The following WNT10A variants were observed in gnomAD, a reference collection of about 807,000 sequenced individuals.
WNT10A encodes the protein Wnt family member 10A.
A neutral mutation model predicts 36.1 loss-of-function variants in WNT10A; 37 were observed. The ratio of observed to expected loss-of-function variants is 1.02; its 90% CI spans 0.79 to 1.35. The LOEUF is 1.35. WNT10A is among the 40% of genes most tolerant of loss of function. The probability of loss-of-function intolerance (pLI) is 0.00; values close to 1 mark genes in which losing one functional copy is unlikely to be tolerated. For missense variants in WNT10A, 613 were observed against 601.4 expected (o/e 1.02, Z -0.20); for synonymous variants, 255 against 254.1 (o/e 1.00, Z -0.03).
At chr2:218,880,130 G>A (rs2106010008), upstream of WNT10A, among the ~76,000 whole-genome samples, 1 of 152,290 alleles carries the variant, frequency 6.6e-6, no homozygotes, top group African/African-American at 2.4e-5. The surrounding 1 kb of genome is among the most constrained non-coding windows in gnomAD (Gnocchi z 7.7). Context: ...AGGCAGGCCT[G>A]GGGGAAGTCC....
chr2:218,876,960 C>T (rs1465468424), upstream of WNT10A, among the ~76,000 whole-genome samples: 1 of 152,186 alleles, frequency 6.6e-6, no homozygotes, highest in Non-Finnish European at 1.5e-5. Flanking sequence ...TCCAGACTGT[C>T]TGGGACGTCT....
At chr2:218,884,681 C>T (rs1475520142) in intron 2 of WNT10A, among the ~76,000 whole-genome samples, 2 of 152,212 alleles carry the variant, frequency 1.3e-5, no homozygotes, top group East Asian at 3.9e-4. Context: ...GCAGTCATTT[C>T]CCAGTCCATC....
Position 218,885,799 on chromosome 2 carries a change from A to T in WNT10A, c.376+3376A>T, listed in dbSNP as rs1944570984. ...ATTGGGGTGGTGCTCAGATGGGGAA[A>T]CCAAGGCATGGGCACTCATATCCCA... On this transcript the variant is annotated intron_variant, in intron 2 of 3. Transcript: ENST00000258411. Among the ~76,000 whole-genome samples, 3 of 152,186 alleles carry T rather than the reference A, an allele frequency of 2.0e-5. No homozygotes were observed. In the South Asian group the frequency reaches 6.2e-4, roughly 32 times the overall value.
At chr2:218,876,759 C>A (rs1284567871), upstream of WNT10A, among the ~76,000 whole-genome samples, 1 of 152,192 alleles carries the variant, frequency 6.6e-6, no homozygotes, top group Non-Finnish European at 1.5e-5. Flanking sequence ...CCAAACAAGC[C>A]CAAAACCCAA....
At position 218,893,424 on chromosome 2, in the gene WNT10A, GTGAT is replaced by G. The variant is rs1944681685; in HGVS notation, c.*154_*157del. The G allele has an allele frequency of 8.8e-7, 1 of 1,131,574 alleles. No homozygotes were observed. The allele number at this position is 1,131,574 out of a possible 1,614,324, so 70.1% of individuals were successfully genotyped here. A position where few individuals can be genotyped will look rare whatever the true frequency, so the allele number is the denominator to read the frequency against. Reference sequence around the variant, plus strand: ...TAGGAACCCCTCAGCTCTGAGGTCTGTGATCGCCGGACAGTCCAGGCCTGTCTGA... The same window carrying G: ...TAGGAACCCCTCAGCTCTGAGGTCTGCGCCGGACAGTCCAGGCCTGTCTGA... On this transcript the variant is annotated 3_prime_UTR_variant, in exon 4 of 4. Transcript: ENST00000258411. The surrounding 1 kb of genome is among the most constrained non-coding windows in gnomAD (Gnocchi z 6.3).
chr2:218,887,523 A>G (rs1167345996), intron 2 of WNT10A, among the ~76,000 whole-genome samples: 1 of 152,058 alleles, frequency 6.6e-6, no homozygotes, highest in South Asian at 2.1e-4. Flanking sequence ...CAGCATCCCC[A>G]TAGAAGGTTC....
intron 2 of WNT10A, among the ~76,000 whole-genome samples, chr2:218,884,983 T>C (rs1035951258): frequency 3.3e-5 from 5 of 152,222 alleles, no homozygotes; most frequent in African/African-American, 1.2e-4. Context: ...GGGCCTTCTT[T>C]AATGCTGTTA....
chr2:218,875,155 C>CCTTCTTT, the WNT10A span, among the ~76,000 whole-genome samples: 1 of 62,738 alleles, frequency 1.6e-5, no homozygotes, highest in Non-Finnish European at 3.4e-5. Flanking sequence ...ATAAGACTGA[C>CCTTCTTT]TTTCTTTTTT....
upstream of WNT10A, among the ~76,000 whole-genome samples, chr2:218,878,904 C>CTT (rs1288931690): frequency 6.6e-6 from 1 of 152,216 alleles, no homozygotes; most frequent in Non-Finnish European, 1.5e-5. This position sits in a 1 kb window ranked among gnomAD's most constrained non-coding sequence, Gnocchi z 4.1. Flanking sequence ...CACCCTTACC[C>CTT]TTACCGCTTA....
intron 2 of WNT10A, among the ~76,000 whole-genome samples, chr2:218,887,180 G>A (rs1359906910): frequency 1.3e-5 from 2 of 152,184 alleles, no homozygotes; most frequent in Non-Finnish European, 1.5e-5. Context: ...AGACCTGGGA[G>A]CTGGGAGAGC....
At chr2:218,890,761 A>G (rs1037933204) in intron 3 of WNT10A, among the ~76,000 whole-genome samples, 20 of 152,076 alleles carry the variant, frequency 1.3e-4, no homozygotes, top group African/African-American at 2.7e-4. Flanking sequence ...GTTCCCCCCA[A>G]TGCTAATGTT....
In WNT10A at chr2:218,890,215, C is replaced by G; in HGVS notation, c.608C>G (p.Pro203Arg). Residue 203 changes from proline to arginine, a missense_variant, in exon 3 of 4, where the codon CCA (proline) becomes CGA (arginine). By Grantham distance (103) the Pro-to-Arg change is moderately radical. Transcript: ENST00000258411. ...PEHPALPTASPGLQDSWEWGG... is the reference protein window; with the variant it reads ...PEHPALPTASRGLQDSWEWGG... ...CACCCAGCCCTGCCCACAGCCAGCC[C>G]AGGCCTGCAGGACTCCTGGGAGTGG... 6.2e-7 allele frequency: 1 copy of G among 1,614,026 alleles called. No homozygotes were observed. Among genetic ancestry groups the G allele is most frequent in the South Asian group, 1.1e-5 (1 of 91,080 alleles).
At chr2:218,880,723 C>CG (rs994332539), upstream of WNT10A, 21 of 411,264 alleles carry the variant, frequency 5.1e-5, no homozygotes, top group Middle Eastern at 6.4e-4. This position sits in a 1 kb window ranked among gnomAD's most constrained non-coding sequence, Gnocchi z 7.7. Flanking sequence ...GGAGTTGTCG[C>CG]GGGGGGGCCT....
In WNT10A at chr2:218,882,264, G is replaced by A; in HGVS notation, c.217G>A (p.Glu73Lys). ...GCCAGGCCTGAGCCGGCGGCAGATG[G>A]AGGTGTGTGTGCGTCACCCTGATGT... Reference protein sequence around the residue: ...TLPGLSRRQMEVCVRHPDVAA... With the variant: ...TLPGLSRRQMKVCVRHPDVAA... Residue 73 changes from glutamate to lysine, a missense_variant, in exon 2 of 4, where the codon GAG (glutamate) becomes AAG (lysine). Physicochemically the swap from Glu to Lys is moderately conservative, Grantham distance 56. Coordinates refer to ENST00000258411, the MANE Select transcript of WNT10A (RefSeq NM_025216.3). 1.2e-6 allele frequency: 2 copies of A among 1,614,172 alleles called. No homozygotes were observed. Among genetic ancestry groups the A allele is most frequent in the Non-Finnish European group, 1.7e-6 (2 of 1,180,042 alleles).
At chr2:218,883,397 G>A (rs1944540547) in intron 2 of WNT10A, among the ~76,000 whole-genome samples, 1 of 152,110 alleles carries the variant, frequency 6.6e-6, no homozygotes, top group African/African-American at 2.4e-5. Context: ...GGCTTCTTGG[G>A]GAGTCAGGCT....
At chr2:218,880,598 G>C (rs1441646073), upstream of WNT10A, 3 of 196,210 alleles carry the variant, frequency 1.5e-5, no homozygotes, top group Non-Finnish European at 3.1e-5. The surrounding 1 kb of genome is among the most constrained non-coding windows in gnomAD (Gnocchi z 7.7). Context: ...AGCCAGCCTC[G>C]CACGCCCTCG....
chr2:218,882,536 A>C, intron 2 of WNT10A, 113 bp downstream of exon 2: 3 of 1,354,928 alleles, frequency 2.2e-6, no homozygotes, highest in Non-Finnish European at 3.1e-6. Flanking sequence ...CCATCCCCAC[A>C]CACCCATCTG....
At position 218,893,111 on chromosome 2, in the gene WNT10A, G is replaced by T; in HGVS notation, c.1094G>T (p.Ser365Ile). Residue 365 changes from serine to isoleucine, a missense_variant, in exon 4 of 4, where the codon AGC becomes ATC. Physicochemically the swap from Ser to Ile is moderately radical, Grantham distance 142. Coordinates refer to ENST00000258411, the MANE Select transcript of WNT10A (RefSeq NM_025216.3). This position sits in a 1 kb window ranked among gnomAD's most constrained non-coding sequence, Gnocchi z 6.3. ...ACCGTGGGCCGCCTGTGCAACAAGAGCAGCGCCGGCTCGGATGGCTGCGGC... is the reference window on the plus strand; with the variant it reads ...ACCGTGGGCCGCCTGTGCAACAAGATCAGCGCCGGCTCGGATGGCTGCGGC... ...AGTVGRLCNK[S>I]SAGSDGCGSM... 6.3e-7 allele frequency: 1 copy of T among 1,595,850 alleles called. No homozygotes were observed. Among genetic ancestry groups the T allele is most frequent in the Non-Finnish European group, 8.5e-7 (1 of 1,178,684 alleles).
intron 2 of WNT10A, among the ~76,000 whole-genome samples, chr2:218,889,387 G>A (rs952552075): frequency 3.3e-5 from 5 of 152,320 alleles, no homozygotes; most frequent in Admixed American, 6.5e-5. Flanking sequence ...GTAAACATGC[G>A]TGTGCAAGTA....
Sources: gnomAD v4.1 joint callset for allele counts (sites outside exome capture counted in the v4.1 genomes callset) on GRCh38, gnomAD v4.1.1 for gene constraint, Gnocchi (gnomAD v3.1) non-coding constraint, MANE v1.5 for transcripts, NCBI Gene and HGNC (gene_info 2026-07-23, HGNC 2026-07-21) for gene names.